TNFRSF1B: variants seen among roughly 807,000 people sequenced by gnomAD.
TNFRSF1B encodes the protein TNF receptor superfamily member 1B.
Under a neutral mutation model 44.6 loss-of-function variants are expected in TNFRSF1B, and 19 were observed. The observed-to-expected ratio is 0.43, with a 90% CI of 0.30 to 0.62. The LOEUF (loss-of-function observed/expected upper bound fraction) is 0.62. Ranked by LOEUF, TNFRSF1B falls within the 20% of genes least tolerant of loss-of-function variation. The pLI is 0.16. For missense variants in TNFRSF1B, 541 were observed against 619.9 expected, an observed-to-expected ratio of 0.87 and a Z score of 1.35; for synonymous variants, 252 against 261.1, an observed-to-expected ratio of 0.97 and a Z score of 0.34.
intron 4 of TNFRSF1B, 71 bp downstream of exon 4, chr1:12,191,994 C>T (rs1021760143): frequency 2.3e-5 from 35 of 1,543,444 alleles, no homozygotes; most frequent in East Asian, 2.3e-5. Context: ...TGCAGTGTCA[C>T]GGGCATCAAC....
Position 12,207,942 on chromosome 1 carries a change from C to T in TNFRSF1B, c.*922C>T, listed in dbSNP as rs1061628. The T allele has an allele frequency of 0.4, 61,442 of 151,734 alleles. 12,796 individuals are homozygous for T. Among genetic ancestry groups the T allele is most frequent in the Middle Eastern group, 0.52 (153 of 294 alleles). 9.4% of individuals were successfully genotyped at this position (151,734 alleles called of 1,614,324 possible). The stretch of plus-strand genomic sequence containing the variant: ...AAAAAAAAGCACCGCCTCCAAATGC[C>T]AACTTGTCCTTTTGTACCATGGTGT... On this transcript the variant is annotated 3_prime_UTR_variant, in exon 10 of 10. Coordinates refer to ENST00000376259, the MANE Select transcript of TNFRSF1B (RefSeq NM_001066.3).
At chr1:12,200,264 A>ATAT (rs146605228) in intron 8 of TNFRSF1B, among the ~76,000 whole-genome samples, 1 of 151,888 alleles carries the variant, frequency 6.6e-6, no homozygotes, top group Admixed American at 6.6e-5. Flanking sequence ...TCAGCTAATA[A>ATAT]TATTATTATT....
rs528201438 is a variant in TNFRSF1B at position 12,199,944 on chromosome 1, C to T, written c.901-2023C>T. ...TAGAATTCCAAGGCAAGGGTGTGAG[C>T]GCCTGGCCAGCCAGTGGGAACAGAC... On this transcript the variant is annotated intron_variant, in intron 8 of 9. Transcript: ENST00000376259. This position sits in a 1 kb window ranked among gnomAD's most constrained non-coding sequence, Gnocchi z 4.0. Among the ~76,000 whole-genome samples the T allele has an allele frequency of 1.1e-4, 17 of 152,100 alleles. No individual in the cohort carries two copies. The highest frequency in any genetic ancestry group is 1.6e-4 in the Non-Finnish European group (11 of 67,902).
intron 1 of TNFRSF1B, among the ~76,000 whole-genome samples, chr1:12,188,355 G>C (rs1639032810): frequency 6.6e-6 from 1 of 152,118 alleles, no homozygotes; most frequent in African/African-American, 2.4e-5. Flanking sequence ...AGTCAGGGAG[G>C]GCTTCCCAGA....
rs976950234 is a variant in TNFRSF1B at position 12,187,540 on chromosome 1, A to G, written c.79-1256A>G. ...GAGACTGTGAGCTGTGAAGTCAGAC[A>G]GGACCCAGGTCCAAACCCTTCTCTG... On this transcript the variant is annotated intron_variant, in intron 1 of 9. Coordinates refer to ENST00000376259, the MANE Select transcript of TNFRSF1B (RefSeq NM_001066.3). The surrounding 1 kb of genome is among the most constrained non-coding windows in gnomAD (Gnocchi z 5.5). 1.1e-4 allele frequency among the ~76,000 whole-genome samples: 17 copies of G among 152,250 alleles called. No homozygotes were observed. Among genetic ancestry groups the G allele is most frequent in the Non-Finnish European group, 2.9e-5 (2 of 68,038 alleles).
At chr1:12,172,359 G>A (rs1444931853) in intron 1 of TNFRSF1B, among the ~76,000 whole-genome samples, 3 of 152,320 alleles carry the variant, frequency 2.0e-5, no homozygotes, top group East Asian at 1.9e-4. Flanking sequence ...TCTATCCCTC[G>A]GAGCCTCTGT....
intron 1 of TNFRSF1B, among the ~76,000 whole-genome samples, chr1:12,176,469 T>C (rs1461579273): frequency 6.6e-6 from 1 of 152,216 alleles, no homozygotes; most frequent in Non-Finnish European, 1.5e-5. Context: ...CCAGGAGGTA[T>C]GTGCATTTAT....
In TNFRSF1B at chr1:12,186,480, A is replaced by AC. The variant is rs1638990330; in HGVS notation, c.79-2315dup. Among the ~76,000 whole-genome samples the AC allele has an allele frequency of 6.6e-6, 1 of 152,228 alleles. No homozygotes were observed. The highest frequency in any genetic ancestry group is 2.4e-5 in the African/African-American group (1 of 41,460). ...TGAAGTCCAGGATAGGTCCATGGCC[A>AC]CGTTGTGCTGGTTTGTTAAATATTT... On this transcript the variant is annotated intron_variant, in intron 1 of 9. Coordinates refer to ENST00000376259, the MANE Select transcript of TNFRSF1B (RefSeq NM_001066.3). This position sits in a 1 kb window ranked among gnomAD's most constrained non-coding sequence, Gnocchi z 4.8.
At position 12,169,188 on chromosome 1, in the gene TNFRSF1B, T is replaced by C. The variant is rs981590073; in HGVS notation, c.78+2019T>C. On this transcript the variant is annotated intron_variant, in intron 1 of 9. Coordinates refer to ENST00000376259, the MANE Select transcript of TNFRSF1B (RefSeq NM_001066.3). This position sits in a 1 kb window ranked among gnomAD's most constrained non-coding sequence, Gnocchi z 4.5. The stretch of plus-strand genomic sequence containing the variant: ...CCCTTTTGTTCCCTTTGAGGACAGA[T>C]TGCATTCTGCTTTTTAATCTAGCTG... Among the ~76,000 whole-genome samples, 2 of 152,232 alleles carry C rather than the reference T, an allele frequency of 1.3e-5. No homozygotes were observed. The highest frequency in any genetic ancestry group is 2.9e-5 in the Non-Finnish European group (2 of 68,040).
At chr1:12,184,703 A>G (rs1638941337) in intron 1 of TNFRSF1B, among the ~76,000 whole-genome samples, 1 of 152,088 alleles carries the variant, frequency 6.6e-6, no homozygotes, top group Non-Finnish European at 1.5e-5. Context: ...CTTTCCCATC[A>G]GGCCCTTTGA....
chr1:12,193,659 G>T (rs1396485201), intron 6 of TNFRSF1B, among the ~76,000 whole-genome samples: 1 of 152,224 alleles, frequency 6.6e-6, no homozygotes, highest in Non-Finnish European at 1.5e-5. Context: ...TCTCCTTGCT[G>T]CTGTTTCTGA....
intron 9 of TNFRSF1B, among the ~76,000 whole-genome samples, chr1:12,203,271 C>T (rs1639430099): frequency 6.6e-6 from 1 of 152,186 alleles, no homozygotes; most frequent in Non-Finnish European, 1.5e-5. Context: ...CGCCTCCTTG[C>T]CAGGGCTGGT....
In TNFRSF1B at chr1:12,191,927, C is replaced by T. The variant is rs375867757; in HGVS notation, c.457+4C>T. 6.8e-6 allele frequency: 11 copies of T among 1,606,978 alleles called. No individual in the cohort carries two copies. The highest frequency in any genetic ancestry group is 2.2e-5 in the East Asian group (1 of 44,804). On this transcript the variant is annotated splice_donor_region_variant and intron_variant, in intron 4 of 9. Transcript: ENST00000376259. ...GGCTTCGGCGTGGCCAGACCAGGTA[C>T]GGGGTGGGGCTCAGGTCCTTGGGGA...
intron 1 of TNFRSF1B, among the ~76,000 whole-genome samples, chr1:12,181,113 T>C (rs1638793372): frequency 6.6e-6 from 1 of 152,138 alleles, no homozygotes. Flanking sequence ...GGGGGTGAAC[T>C]GCCAGCCCCA....
rs1639157240 is a variant in TNFRSF1B at position 12,192,276 on chromosome 1, C to CTCTGTG, written c.458-154_458-153insCTGTGT. On this transcript the variant is annotated intron_variant, in intron 4 of 9. Transcript: ENST00000376259. ...TGTGTGTGCATGTGTGTACAGGCAT[C>CTCTGTG]TGTGTGTGTGTGTGTGTGTGTGTGT... The CTCTGTG allele has an allele frequency of 5.8e-6, 4 of 688,728 alleles. No homozygotes were observed. The African/African-American group carries it at 7.2e-5, about 12-fold the overall frequency. 42.7% of individuals were successfully genotyped at this position (688,728 alleles called of 1,614,324 possible).
rs1330233131 is a variant in TNFRSF1B, at chr1:12,187,960, T to A, written c.79-836T>A. 6.6e-6 allele frequency among the ~76,000 whole-genome samples: 1 copy of A among 152,162 alleles called. No individual in the cohort carries two copies. The highest frequency in any genetic ancestry group is 2.4e-5 in the African/African-American group (1 of 41,450). Reference sequence around the variant, plus strand: ...CACAGCAGCTGGGGGAGCGGTGCCCTGCTGGCAGCAGGGGTCTGAGTGGGG... The same window carrying A: ...CACAGCAGCTGGGGGAGCGGTGCCCAGCTGGCAGCAGGGGTCTGAGTGGGG... On this transcript the variant is annotated intron_variant, in intron 1 of 9. Transcript: ENST00000376259. The surrounding 1 kb of genome is among the most constrained non-coding windows in gnomAD (Gnocchi z 5.5).
rs905327778 is a variant in TNFRSF1B, at chr1:12,177,709, G to A, written c.78+10540G>A. On this transcript the variant is annotated intron_variant, in intron 1 of 9. Coordinates refer to ENST00000376259, the MANE Select transcript of TNFRSF1B (RefSeq NM_001066.3). This position sits in a 1 kb window ranked among gnomAD's most constrained non-coding sequence, Gnocchi z 4.3. ...CTCAGGAGACTGAGGCAGGAGAATC[G>A]CTTGAACCTGGGAGGCGGAGTTTGC... Among the ~76,000 whole-genome samples, 5 of 151,678 alleles carry A rather than the reference G, an allele frequency of 3.3e-5. No homozygotes were observed. Among genetic ancestry groups the A allele is most frequent in the African/African-American group, 4.8e-5 (2 of 41,258 alleles).
chr1:12,191,465 A>G lies in TNFRSF1B; in HGVS notation c.308-309A>G, dbSNP rs111378612. Among the ~76,000 whole-genome samples, 463 of 142,384 alleles carry G rather than the reference A, an allele frequency of 3.3e-3. 2 individuals are homozygous for G. The highest frequency in any genetic ancestry group is 7.6e-3 in the East Asian group (36 of 4,762). The allele number at this position is 142,384 out of a possible 152,430, so 93.4% of individuals were successfully genotyped here. A position where few individuals can be genotyped will look rare whatever the true frequency, so the allele number is the denominator to read the frequency against. On this transcript the variant is annotated intron_variant, in intron 3 of 9. Transcript: ENST00000376259. Reference sequence around the variant, plus strand: ...GCACTGCGGGGAGGAGCAGGACTGCAGGGAGGAGCGGGACTGTGGGGAGGA... The same window carrying G: ...GCACTGCGGGGAGGAGCAGGACTGCGGGGAGGAGCGGGACTGTGGGGAGGA...
intron 8 of TNFRSF1B, among the ~76,000 whole-genome samples, chr1:12,198,142 C>A (rs1352533507): frequency 6.8e-5 from 10 of 147,360 alleles, no homozygotes; most frequent in East Asian, 4.0e-4. Context: ...AAAAAAAAAA[C>A]CAATATGTGA....
Sources: gnomAD v4.1 joint callset for allele counts (sites outside exome capture counted in the v4.1 genomes callset) on GRCh38, gnomAD v4.1.1 for gene constraint, Gnocchi (gnomAD v3.1) non-coding constraint, MANE v1.5 for transcripts, NCBI Gene and HGNC (gene_info 2026-07-23, HGNC 2026-07-21) for gene names.